Variants in MITF observed in about 807,000 individuals in gnomAD.
MITF encodes melanocyte inducing transcription factor.
MITF carries 17 observed loss-of-function variants against 60.5 expected under a neutral mutation model. The ratio of observed to expected loss-of-function variants is 0.28; its 90% CI spans 0.19 to 0.42. The LOEUF is 0.42. MITF is among the 10% of genes least tolerant of loss of function. The pLI is 1.00. For missense variants in MITF, 622 were observed against 683.5 expected, an observed-to-expected ratio of 0.91 and a Z score of 1.00; for synonymous variants, 260 against 248.5, an observed-to-expected ratio of 1.05 and a Z score of -0.43.
chr3:69,866,343 A>G lies in MITF; in HGVS notation c.105-12791A>G, dbSNP rs202166652. The G allele has an allele frequency of 2.1e-4, 346 of 1,613,700 alleles. No individual in the cohort carries two copies. Among genetic ancestry groups the G allele is most frequent in the Non-Finnish European group, 2.7e-4 (315 of 1,179,830 alleles). ...ATGCCATGCTCCTTTGAAAGCTTGTATCTGTAAGTGAAGTTTTATTCTGGA... is the reference window on the plus strand; with the variant it reads ...ATGCCATGCTCCTTTGAAAGCTTGTGTCTGTAAGTGAAGTTTTATTCTGGA... On this transcript the variant is annotated intron_variant, in intron 1 of 9. Coordinates refer to ENST00000352241, the MANE Select transcript of MITF (RefSeq NM_001354604.2).
intron 1 of MITF, among the ~76,000 whole-genome samples, chr3:69,819,601 T>C (rs2063234195): frequency 6.7e-6 from 1 of 148,284 alleles, no homozygotes; most frequent in South Asian, 2.1e-4. Flanking sequence ...CTTTCTGGGT[T>C]GGAAGAGTGA....
chr3:69,935,415 T>C (rs2065810449), intron 2 of MITF, among the ~76,000 whole-genome samples: 1 of 152,226 alleles, frequency 6.6e-6, no homozygotes, highest in African/African-American at 2.4e-5. Flanking sequence ...TGAATCTCTT[T>C]TCTTTTTAAG....
chr3:69,876,961 C>T (rs901268932), intron 1 of MITF, among the ~76,000 whole-genome samples: 1 of 152,062 alleles, frequency 6.6e-6, no homozygotes, highest in Non-Finnish European at 1.5e-5. Flanking sequence ...ATAAATTTAC[C>T]TGTAGTTCTA....
intron 2 of MITF, among the ~76,000 whole-genome samples, chr3:69,901,363 T>C (rs1387092354): frequency 6.6e-6 from 1 of 152,196 alleles, no homozygotes; most frequent in Non-Finnish European, 1.5e-5. Context: ...TTACCTTTTA[T>C]AACAATTTTT....
Position 69,739,568 on chromosome 3 carries a change from C to A in MITF, c.-30C>A, listed in dbSNP as rs1703447626. On this transcript the variant is annotated 5_prime_UTR_variant, in exon 1 of 10. Transcript: ENST00000352241. The stretch of plus-strand genomic sequence containing the variant: ...CGCCCCCGGGCTCTGTTCTCACTTT[C>A]CAGCAGTGGAAGGACGGGAAGCGGG... 6.5e-7 allele frequency: 1 copy of A among 1,545,512 alleles called. No individual in the cohort carries two copies. Among genetic ancestry groups the A allele is most frequent in the Non-Finnish European group, 8.8e-7 (1 of 1,139,356 alleles).
chr3:69,915,353 A>G (rs2065310464), intron 2 of MITF, among the ~76,000 whole-genome samples: 2 of 152,244 alleles, frequency 1.3e-5, no homozygotes, highest in African/African-American at 4.8e-5. Context: ...TCTATAATAG[A>G]TTTCCTTTAA....
intron 1 of MITF, among the ~76,000 whole-genome samples, chr3:69,829,521 C>A (rs1412177234): frequency 2.0e-5 from 3 of 152,144 alleles, no homozygotes; most frequent in Non-Finnish European, 4.4e-5. Flanking sequence ...TTCATTTGTT[C>A]AGCCATCGTT....
intron 2 of MITF, among the ~76,000 whole-genome samples, chr3:69,907,317 T>G (rs1191075026): frequency 1.3e-5 from 2 of 152,190 alleles, no homozygotes; most frequent in Non-Finnish European, 2.9e-5. Flanking sequence ...GAGATGGGGC[T>G]CTGTGTGTCA....
At chr3:69,914,917 G>C (rs1243384441) in intron 2 of MITF, among the ~76,000 whole-genome samples, 1 of 152,108 alleles carries the variant, frequency 6.6e-6, no homozygotes, top group Non-Finnish European at 1.5e-5. Context: ...ATTCAGGACA[G>C]TTCATATAAA....
intron 1 of MITF, among the ~76,000 whole-genome samples, chr3:69,854,094 C>T (rs981571342): frequency 5.9e-5 from 9 of 152,058 alleles, no homozygotes; most frequent in Admixed American, 2.0e-4. Flanking sequence ...GTGATCCTCC[C>T]GCCTCAGCCT....
intron 1 of MITF, among the ~76,000 whole-genome samples, chr3:69,755,158 T>C (rs1204260818): frequency 6.6e-6 from 1 of 152,228 alleles, no homozygotes; most frequent in South Asian, 2.1e-4. Context: ...ACATGTTTCC[T>C]TTCATCATAA....
intron 1 of MITF, among the ~76,000 whole-genome samples, chr3:69,745,412 C>T (rs1233542651): frequency 6.6e-6 from 1 of 151,908 alleles, no homozygotes; most frequent in East Asian, 1.9e-4. Flanking sequence ...GAGTGTGGTC[C>T]CTGTGGCAGG....
At chr3:69,917,393 T>G (rs913362704) in intron 2 of MITF, among the ~76,000 whole-genome samples, 1 of 151,280 alleles carries the variant, frequency 6.6e-6, no homozygotes, top group African/African-American at 2.4e-5. Flanking sequence ...TTTTTTTTTT[T>G]TTTTGACATC....
At chr3:69,804,440 G>A (rs929906528) in intron 1 of MITF, among the ~76,000 whole-genome samples, 7 of 151,792 alleles carry the variant, frequency 4.6e-5, no homozygotes, top group African/African-American at 1.2e-4. Context: ...TTATTCTGGC[G>A]TTTCCCTCTT....
intron 1 of MITF, among the ~76,000 whole-genome samples, chr3:69,871,340 C>T (rs1165082406): frequency 1.3e-5 from 2 of 152,164 alleles, no homozygotes; most frequent in African/African-American, 4.8e-5. Context: ...GTCTTTGTGA[C>T]CAGAAGGATG....
At chr3:69,909,497 GC>G (rs765617715) in intron 2 of MITF, among the ~76,000 whole-genome samples, 15 of 152,266 alleles carry the variant, frequency 9.9e-5, no homozygotes, top group Admixed American at 7.2e-4. Context: ...AGTTTGGAGG[GC>G]TAGGAAGGAG....
At chr3:69,783,342 T>C (rs1450010364) in intron 1 of MITF, among the ~76,000 whole-genome samples, 2 of 152,156 alleles carry the variant, frequency 1.3e-5, no homozygotes, top group African/African-American at 4.8e-5. Flanking sequence ...CTTCTAATAT[T>C]CCTAGTTATT....
chr3:69,890,283 A>G (rs2064730200), intron 2 of MITF, among the ~76,000 whole-genome samples: 1 of 152,146 alleles, frequency 6.6e-6, no homozygotes, highest in Non-Finnish European at 1.5e-5. Context: ...ATCTCTGCCA[A>G]TAGCCTTCCA....
intron 1 of MITF, among the ~76,000 whole-genome samples, chr3:69,748,091 C>T (rs1358105980): frequency 6.6e-6 from 1 of 152,124 alleles, no homozygotes; most frequent in Admixed American, 6.6e-5. Context: ...AAGAAGCTCT[C>T]CTCCCACATA....
Sources: allele counts gnomAD v4.1 joint callset (sites outside exome capture counted in the v4.1 genomes callset), GRCh38; gene constraint gnomAD v4.1.1; transcripts MANE v1.5; gene names NCBI Gene and HGNC (gene_info 2026-07-23, HGNC 2026-07-21).